Variants in TFDP2 observed in about 807,000 individuals in gnomAD.
The protein encoded by TFDP2 is transcription factor Dp-2 (E2F dimerization partner 2).
Under a neutral mutation model 59.3 loss-of-function variants are expected in TFDP2, and 17 were observed. That is an observed-to-expected ratio of 0.29 (90% CI 0.20 to 0.43). TFDP2 has a LOEUF of 0.43. Ranked by LOEUF, TFDP2 falls within the 20% of genes least tolerant of loss-of-function variation. The pLI is 1.00. For missense variants in TFDP2, 391 were observed against 528.8 expected (o/e 0.74, Z 2.56); for synonymous variants, 180 against 194.7 (o/e 0.92, Z 0.63).
intron 1 of TFDP2, among the ~76,000 whole-genome samples, chr3:142,117,245 A>C (rs2061880636): frequency 6.6e-6 from 1 of 152,128 alleles, no homozygotes; most frequent in African/African-American, 2.4e-5. Context: ...GAACCTTTCC[A>C]GGTTTGTAGA....
intron 3 of TFDP2, among the ~76,000 whole-genome samples, chr3:142,032,371 G>A (rs1007700456): frequency 2.6e-5 from 4 of 152,014 alleles, no homozygotes; most frequent in African/African-American, 7.2e-5. Context: ...CTGGGATTAC[G>A]AGTGTGAGCT....
intron 3 of TFDP2, among the ~76,000 whole-genome samples, chr3:142,038,209 C>G (rs1295702358): frequency 6.6e-6 from 1 of 151,628 alleles, no homozygotes; most frequent in Non-Finnish European, 1.5e-5. Context: ...ACAGTGAAAC[C>G]CTGTCTCTAC....
intron 12 of TFDP2, 75 bp downstream of exon 12, chr3:141,952,836 A>G (rs1936084397): frequency 6.4e-7 from 1 of 1,556,896 alleles, no homozygotes; most frequent in Non-Finnish European, 8.9e-7. Context: ...TGGCAGTAAC[A>G]TGACCCCGGC....
At chr3:141,969,198 A>ATGT (rs1291578238) in intron 9 of TFDP2, among the ~76,000 whole-genome samples, 2 of 100,740 alleles carry the variant, frequency 2.0e-5, no homozygotes, top group South Asian at 5.3e-4. Flanking sequence ...TGAGATATAT[A>ATGT]TATATAACAT....
chr3:141,999,306 C>T (rs952513093), intron 4 of TFDP2, among the ~76,000 whole-genome samples: 7 of 152,120 alleles, frequency 4.6e-5, no homozygotes, highest in Admixed American at 3.9e-4. Flanking sequence ...GTATACAATA[C>T]ATATTAACAT....
chr3:141,997,682 TCTC>T (rs1206727101), intron 4 of TFDP2, among the ~76,000 whole-genome samples: 1 of 151,172 alleles, frequency 6.6e-6, no homozygotes, highest in African/African-American at 2.4e-5. Context: ...AAACCCTAAC[TCTC>T]CTAAAAATAC....
At chr3:142,080,634 T>C (rs750853297) in intron 3 of TFDP2, among the ~76,000 whole-genome samples, 2 of 152,028 alleles carry the variant, frequency 1.3e-5, no homozygotes, top group Non-Finnish European at 2.9e-5. Context: ...CATGCAGATA[T>C]ATGAAGAGAT....
chr3:141,958,231 A>G (rs1487980060), intron 11 of TFDP2, among the ~76,000 whole-genome samples: 1 of 152,106 alleles, frequency 6.6e-6, no homozygotes, highest in Non-Finnish European at 1.5e-5. Context: ...AAGCAATCGG[A>G]AACAAACAGT....
Position 141,951,595 on chromosome 3 carries a change from T to C in TFDP2, c.*918A>G, listed in dbSNP as rs1385541411. 2 of 152,698 alleles carry C rather than the reference T, an allele frequency of 1.3e-5. No homozygotes were observed. Among genetic ancestry groups the C allele is most frequent in the Non-Finnish European group, 2.9e-5 (2 of 68,050 alleles). The allele number at this position is 152,698 out of a possible 1,614,324, so 9.5% of individuals were successfully genotyped here. A position where few individuals can be genotyped will look rare whatever the true frequency, so the allele number is the denominator to read the frequency against. ...ACAAATTGCACACTGGGTGAGATCA[T>C]ACAATTACTGCAGGGAACTGTAGGC... On this transcript the variant is annotated 3_prime_UTR_variant, in exon 13 of 13. Coordinates refer to ENST00000489671, the MANE Select transcript of TFDP2 (RefSeq NM_001178139.2).
intron 7 of TFDP2, among the ~76,000 whole-genome samples, chr3:141,978,146 ACCAGC>A (rs1303865646): frequency 6.6e-6 from 1 of 151,804 alleles, no homozygotes; most frequent in Non-Finnish European, 1.5e-5. Flanking sequence ...GGAGTTTGAG[ACCAGC>A]CTGGCCAACA....
chr3:142,069,570 A>G (rs1221712880), intron 3 of TFDP2, among the ~76,000 whole-genome samples: 1 of 151,128 alleles, frequency 6.6e-6, no homozygotes, highest in Non-Finnish European at 1.5e-5. Context: ...GTTACCTTAC[A>G]CCCTTGACAA....
chr3:142,061,783 G>A (rs1459202078), intron 3 of TFDP2, among the ~76,000 whole-genome samples: 1 of 151,684 alleles, frequency 6.6e-6, no homozygotes, highest in Non-Finnish European at 1.5e-5. Context: ...GACATCACCA[G>A]CTTTCCTGGT....
At chr3:142,105,907 AATACAT>A (rs1457962764) in intron 1 of TFDP2, among the ~76,000 whole-genome samples, 1 of 152,196 alleles carries the variant, frequency 6.6e-6, no homozygotes, top group Non-Finnish European at 1.5e-5. Flanking sequence ...TAAATGAGTC[AATACAT>A]GTAAAATTAC....
chr3:142,032,007 A>T (rs1005858475), intron 3 of TFDP2, among the ~76,000 whole-genome samples: 1 of 152,172 alleles, frequency 6.6e-6, no homozygotes. Context: ...GTTAGGTGCC[A>T]ATTTCTTAAA....
chr3:141,967,756 G>A (rs78931705), intron 9 of TFDP2, among the ~76,000 whole-genome samples: 5,489 of 152,082 alleles, frequency 0.036, 123 homozygotes, highest in South Asian at 0.085. Context: ...AGACAGTAGA[G>A]GAAAAGAAGT....
chr3:141,968,896 T>C (rs1938939040), intron 9 of TFDP2, among the ~76,000 whole-genome samples: 1 of 93,408 alleles, frequency 1.1e-5, no homozygotes, highest in Non-Finnish European at 2.0e-5. Flanking sequence ...ATAACACATA[T>C]ATATCTCATA....
At chr3:142,143,113 G>A (rs1022731032) in intron 1 of TFDP2, among the ~76,000 whole-genome samples, 3 of 152,140 alleles carry the variant, frequency 2.0e-5, no homozygotes, top group African/African-American at 7.2e-5. Flanking sequence ...GCACATGCCT[G>A]TAGTCCCAGC....
At chr3:142,005,135 C>A (rs1944108934) in intron 4 of TFDP2, among the ~76,000 whole-genome samples, 2 of 152,148 alleles carry the variant, frequency 1.3e-5, no homozygotes, top group South Asian at 4.1e-4. Flanking sequence ...GTGGCCTTGA[C>A]CTCTTGGGCT....
At chr3:142,021,898 T>C (rs1320473748) in intron 3 of TFDP2, among the ~76,000 whole-genome samples, 3 of 152,218 alleles carry the variant, frequency 2.0e-5, no homozygotes, top group African/African-American at 7.2e-5. Context: ...CAAAAACATT[T>C]GTCTCATCTG....
Sources: allele counts gnomAD v4.1 joint callset (sites outside exome capture counted in the v4.1 genomes callset), GRCh38; gene constraint gnomAD v4.1.1; transcripts MANE v1.5; gene names NCBI Gene and HGNC (gene_info 2026-07-23, HGNC 2026-07-21).